MYO9A: variants seen among roughly 807,000 people sequenced by gnomAD.
The protein encoded by MYO9A is unconventional myosin-IXa.
MYO9A carries 103 observed loss-of-function variants against 293.3 expected under a neutral mutation model. That is an observed-to-expected ratio of 0.35 (90% CI 0.30 to 0.41). The LOEUF is 0.41. Among genes scored for constraint, MYO9A ranks in the 10% least tolerant of loss-of-function variants. MYO9A has a pLI of 1.00. For missense variants in MYO9A, 2,685 were observed against 3,033.0 expected, an observed-to-expected ratio of 0.89 and a Z score of 2.69; for synonymous variants, 1,001 against 1,035.7, an observed-to-expected ratio of 0.97 and a Z score of 0.64.
chr15:71,965,654 G>A (rs951489363), intron 13 of MYO9A, among the ~76,000 whole-genome samples: 12 of 152,122 alleles, frequency 7.9e-5, no homozygotes, highest in African/African-American at 2.9e-4. Flanking sequence ...GCAGAGAATC[G>A]CTTAAACCTG....
chr15:72,083,258 G>C (rs182832075), intron 1 of MYO9A, among the ~76,000 whole-genome samples: 1 of 152,072 alleles, frequency 6.6e-6, no homozygotes, highest in Admixed American at 6.5e-5. Context: ...GAAGGTGTAC[G>C]TATCTAGGAA....
intron 1 of MYO9A, among the ~76,000 whole-genome samples, chr15:72,071,439 T>A (rs2079187665): frequency 6.6e-6 from 1 of 152,104 alleles, no homozygotes; most frequent in African/African-American, 2.4e-5. Flanking sequence ...ACTCACACAT[T>A]TGGTAGAAAT....
intron 17 of MYO9A, among the ~76,000 whole-genome samples, chr15:71,934,346 T>C (rs2058566202): frequency 6.6e-6 from 1 of 152,168 alleles, no homozygotes. Flanking sequence ...TCTTTAACTT[T>C]TCATTATGTA....
rs1337864782 is a variant in MYO9A, at chr15:71,996,892, G to A, written c.1471-2307C>T. 2.6e-5 allele frequency among the ~76,000 whole-genome samples: 4 copies of A among 152,032 alleles called. 1 individual carries two copies. The highest frequency in any genetic ancestry group is 4.2e-4 in the South Asian group (2 of 4,816). On this transcript the variant is annotated intron_variant, in intron 9 of 41. Coordinates refer to ENST00000356056, the MANE Select transcript of MYO9A (RefSeq NM_006901.4). ...AATTCCCTCCTCATAAGTGTAGGCA[G>A]AACTGTAAATACGATGGATTTCACT...
At chr15:71,953,215 C>T (rs552532532) in intron 14 of MYO9A, among the ~76,000 whole-genome samples, 1 of 152,256 alleles carries the variant, frequency 6.6e-6, no homozygotes, top group Admixed American at 6.5e-5. Flanking sequence ...CCTCGATAAA[C>T]ATACTCTGTT....
At chr15:71,884,139 C>A (rs1219575701) in intron 27 of MYO9A, among the ~76,000 whole-genome samples, 1 of 152,064 alleles carries the variant, frequency 6.6e-6, no homozygotes, top group South Asian at 2.1e-4. Flanking sequence ...CACAATTTAA[C>A]AACAAAGAAA....
chr15:71,983,679 C>T (rs2076339369), intron 11 of MYO9A, among the ~76,000 whole-genome samples: 1 of 151,220 alleles, frequency 6.6e-6, no homozygotes, highest in African/African-American at 2.4e-5. Flanking sequence ...GTCGGGGTTT[C>T]ACCATGTTGG....
chr15:72,055,787 G>C (rs543347138), intron 1 of MYO9A, among the ~76,000 whole-genome samples: 19 of 151,978 alleles, frequency 1.3e-4, no homozygotes, highest in Non-Finnish European at 2.6e-4. Flanking sequence ...TGCAAGAATG[G>C]CCATAAAAAA....
At chr15:71,846,363 G>A (rs1456165731) in intron 39 of MYO9A, among the ~76,000 whole-genome samples, 21 of 152,134 alleles carry the variant, frequency 1.4e-4, no homozygotes, top group Admixed American at 8.5e-4. Flanking sequence ...GGGAGAAAGG[G>A]TCAAGAAAGA....
intron 5 of MYO9A, among the ~76,000 whole-genome samples, chr15:72,020,499 A>G (rs2077472423): frequency 1.3e-5 from 2 of 152,356 alleles, no homozygotes; most frequent in South Asian, 4.1e-4. Context: ...TCATGCAAAG[A>G]CGTATGTGTA....
intron 1 of MYO9A, among the ~76,000 whole-genome samples, chr15:72,053,040 C>G (rs1315728027): frequency 1.3e-5 from 2 of 152,188 alleles, no homozygotes; most frequent in Non-Finnish European, 2.9e-5. Context: ...AAGCCAAAAA[C>G]TTTTACTATA....
chr15:71,862,476 T>G, intron 33 of MYO9A, 24 bp downstream of exon 33: 1 of 1,514,184 alleles, frequency 6.6e-7, no homozygotes, highest in East Asian at 2.3e-5. Context: ...TTAAAAATAT[T>G]CCTCAAAGAT....
rs3028363 is a variant in MYO9A at position 72,108,762 on chromosome 15, A to ATTTTTTTTTTT, written c.-72+8907_-72+8917dup. ...GCAGTAAACTTGTCATGACACATACATTTTTTTTTTTTTTTTTGAGACAGA... is the reference window on the plus strand; with the variant it reads ...GCAGTAAACTTGTCATGACACATACATTTTTTTTTTTTTTTTTTTTTTTTTTTTGAGACAGA... On this transcript the variant is annotated intron_variant, in intron 1 of 41. Transcript: ENST00000356056. Among the ~76,000 whole-genome samples, 2 of 139,242 alleles carry ATTTTTTTTTTT rather than the reference A, an allele frequency of 1.4e-5. 1 individual carries two copies. The allele number at this position is 139,242 out of a possible 152,430, so 91.3% of individuals were successfully genotyped here.
intron 26 of MYO9A, chr15:71,892,982 G>A (rs2143001581): frequency 7.8e-7 from 1 of 1,276,140 alleles, no homozygotes; most frequent in Non-Finnish European, 1.0e-6. Context: ...GAGTCACTGT[G>A]AGAGGCCTGA....
intron 11 of MYO9A, among the ~76,000 whole-genome samples, chr15:71,985,993 T>G (rs1379810694): frequency 1.3e-5 from 2 of 152,146 alleles, no homozygotes; most frequent in African/African-American, 4.8e-5. Flanking sequence ...TGAAGAGTAA[T>G]TCTCAGCAAG....
chr15:71,852,600 T>G (rs1319879713), intron 35 of MYO9A, among the ~76,000 whole-genome samples: 3 of 152,108 alleles, frequency 2.0e-5, no homozygotes, highest in Non-Finnish European at 4.4e-5. Context: ...CAACCTCAGG[T>G]GATCCACCTG....
At chr15:71,863,459 CA>C (rs567658197) in intron 32 of MYO9A, among the ~76,000 whole-genome samples, 9 of 146,570 alleles carry the variant, frequency 6.1e-5, no homozygotes, top group Admixed American at 2.0e-4. Context: ...ATCTTTAAAG[CA>C]AAAAAAAATA....
intron 39 of MYO9A, among the ~76,000 whole-genome samples, chr15:71,848,466 C>A (rs2055487517): frequency 6.6e-6 from 1 of 152,042 alleles, no homozygotes; most frequent in Non-Finnish European, 1.5e-5. Flanking sequence ...TCCCAGGGGT[C>A]TTGGCAGGAC....
rs187675369 is a variant in MYO9A, at chr15:72,094,939, T to A, written c.-72+22741A>T. Among the ~76,000 whole-genome samples the A allele has an allele frequency of 8.8e-3, 804 of 91,768 alleles. 96 individuals carry two copies. The highest frequency in any genetic ancestry group is 0.02 in the African/African-American group (769 of 38,956). The allele number at this position is 91,768 out of a possible 152,430, so 60.2% of individuals were successfully genotyped here. A position where few individuals can be genotyped will look rare whatever the true frequency, so the allele number is the denominator to read the frequency against. On this transcript the variant is annotated intron_variant, in intron 1 of 41. Transcript: ENST00000356056. ...AGACAGTGAACTTAATCAATCAATGTTATGTGTGTTCTGACTGCTCCATCG... is the reference window on the plus strand; with the variant it reads ...AGACAGTGAACTTAATCAATCAATGATATGTGTGTTCTGACTGCTCCATCG...
Sources: gnomAD v4.1 joint callset for allele counts (sites outside exome capture counted in the v4.1 genomes callset) on GRCh38, gnomAD v4.1.1 for gene constraint, MANE v1.5 for transcripts, NCBI Gene and HGNC (gene_info 2026-07-23, HGNC 2026-07-21) for gene names.